AGTPBP1: variants seen among roughly 807,000 people sequenced by gnomAD.
AGTPBP1 encodes the protein ATP/GTP binding carboxypeptidase 1.
A neutral mutation model predicts 143.9 loss-of-function variants in AGTPBP1; 70 were observed. The observed-to-expected ratio is 0.49, with a 90% confidence interval of 0.40 to 0.59. AGTPBP1 has a LOEUF of 0.59. AGTPBP1 is among the 20% of genes least tolerant of loss of function. The pLI, the probability that AGTPBP1 is intolerant of heterozygous loss-of-function variation, is 0.00. For synonymous variants in AGTPBP1, 463 were observed against 500.2 expected (o/e 0.93, Z 0.99); for missense variants, 1,229 against 1,464.5 (o/e 0.84, Z 2.62).
At chr9:85,727,662 T>C (rs530226894) in intron 1 of AGTPBP1, among the ~76,000 whole-genome samples, 12 of 151,954 alleles carry the variant, frequency 7.9e-5, no homozygotes, top group Non-Finnish European at 1.6e-4. Context: ...AATGGCCCAA[T>C]CTACAAACAT....
At chr9:85,737,289 A>G (rs192213950) in intron 1 of AGTPBP1, among the ~76,000 whole-genome samples, 86 of 152,290 alleles carry the variant, frequency 5.6e-4, no homozygotes, top group Non-Finnish European at 9.9e-4. Context: ...TGCTTCTGTA[A>G]CTGAATTGAC....
At chr9:85,741,361 C>T in intron 1 of AGTPBP1, 35 of 984,368 alleles carry the variant, frequency 3.6e-5, no homozygotes, top group Non-Finnish European at 4.2e-5. Flanking sequence ...CGGGGGAGAG[C>T]GGGGCTGGGC....
chr9:85,547,542 T>TA (rs1469415729), intron 25 of AGTPBP1, among the ~76,000 whole-genome samples: 2 of 152,202 alleles, frequency 1.3e-5, no homozygotes, highest in African/African-American at 4.8e-5. Context: ...ATAGATAGCT[T>TA]AAAAAACAGT....
At chr9:85,602,757 T>C (rs1277166060) in intron 17 of AGTPBP1, among the ~76,000 whole-genome samples, 2 of 152,146 alleles carry the variant, frequency 1.3e-5, no homozygotes, top group African/African-American at 4.8e-5. Flanking sequence ...GGAAATGCAC[T>C]GAAGAGGGTA....
the AGTPBP1 span, among the ~76,000 whole-genome samples, chr9:85,795,597 G>C: frequency 1.3e-4 from 20 of 152,166 alleles, no homozygotes; most frequent in Non-Finnish European, 2.5e-4. Context: ...CTTTTAAGGG[G>C]CTCACAAAGT....
intron 11 of AGTPBP1, among the ~76,000 whole-genome samples, chr9:85,654,585 G>A (rs1457468347): frequency 6.6e-6 from 1 of 152,104 alleles, no homozygotes; most frequent in Non-Finnish European, 1.5e-5. Context: ...GCTCACACCT[G>A]TAATCCCAGC....
chr9:85,736,812 T>C (rs1342100992), intron 1 of AGTPBP1, among the ~76,000 whole-genome samples: 1 of 152,152 alleles, frequency 6.6e-6, no homozygotes, highest in Non-Finnish European at 1.5e-5. Flanking sequence ...CCACCAACAA[T>C]TATAAAACAA....
chr9:85,660,504 A>G (rs1437036100), intron 9 of AGTPBP1, among the ~76,000 whole-genome samples: 1 of 152,180 alleles, frequency 6.6e-6, no homozygotes, highest in Non-Finnish European at 1.5e-5. Flanking sequence ...AATGTTATAT[A>G]AACTTACATT....
intron 11 of AGTPBP1, among the ~76,000 whole-genome samples, chr9:85,650,338 C>T (rs1833081915): frequency 1.3e-5 from 2 of 152,144 alleles, no homozygotes; most frequent in Middle Eastern, 3.4e-3. Flanking sequence ...GATAGCAAAA[C>T]CCCTCCTGCC....
At chr9:85,753,264 G>T in the AGTPBP1 span, 6 of 1,609,828 alleles carry the variant, frequency 3.7e-6, no homozygotes, top group South Asian at 5.5e-5. Flanking sequence ...TTAATGGTCA[G>T]GTGTAAAAGC....
At chr9:85,743,916 CTTTTTCTTTCT>C (rs1824542858), upstream of AGTPBP1, among the ~76,000 whole-genome samples, 2 of 121,616 alleles carry the variant, frequency 1.6e-5, no homozygotes, top group African/African-American at 7.3e-5. Context: ...TTTTCTTTTT[CTTTTTCTTTCT>C]TTTTTTTTTT....
intron 8 of AGTPBP1, among the ~76,000 whole-genome samples, chr9:85,661,359 C>T (rs1163995912): frequency 6.6e-6 from 1 of 152,046 alleles, no homozygotes; most frequent in Non-Finnish European, 1.5e-5. Flanking sequence ...GAATTAAAAA[C>T]AAATCTTAAC....
intron 1 of AGTPBP1, among the ~76,000 whole-genome samples, chr9:85,720,372 T>C (rs1306256141): frequency 1.3e-5 from 2 of 152,334 alleles, no homozygotes; most frequent in African/African-American, 2.4e-5. Context: ...ATTCAACTTC[T>C]TCCTGGTTTA....
At chr9:85,670,576 T>C (rs780826428) in intron 7 of AGTPBP1, among the ~76,000 whole-genome samples, 7 of 152,188 alleles carry the variant, frequency 4.6e-5, no homozygotes, top group African/African-American at 2.4e-5. Flanking sequence ...ATTAAATATA[T>C]TGTAGAACCA....
At chr9:85,687,712 A>G (rs1835568533) in intron 3 of AGTPBP1, among the ~76,000 whole-genome samples, 1 of 152,204 alleles carries the variant, frequency 6.6e-6, no homozygotes, top group African/African-American at 2.4e-5. Context: ...ATGTAGCTAA[A>G]GCAGTGTTTA....
Position 85,709,690 on chromosome 9 carries a change from T to C in AGTPBP1, c.32+2812A>G, listed in dbSNP as rs78565987. ...AGAGCTCTGGGTGAGGTAGAACTCTTAGAGAACAGATATTTGAGCAAGTGA... is the reference window on the plus strand; with the variant it reads ...AGAGCTCTGGGTGAGGTAGAACTCTCAGAGAACAGATATTTGAGCAAGTGA... On this transcript the variant is annotated intron_variant, in intron 2 of 25. Transcript: ENST00000357081. Among the ~76,000 whole-genome samples, 547 of 152,238 alleles carry C rather than the reference T, an allele frequency of 3.6e-3. 9 individuals are homozygous for C. The East Asian group carries it at 0.049, about 14-fold the overall frequency.
chr9:85,571,434 A>C (rs965632460), intron 25 of AGTPBP1, among the ~76,000 whole-genome samples: 2 of 152,248 alleles, frequency 1.3e-5, no homozygotes, highest in African/African-American at 4.8e-5. Context: ...CATCAAAATA[A>C]ACAATGGCAG....
intron 24 of AGTPBP1, among the ~76,000 whole-genome samples, chr9:85,575,726 A>T (rs1827855330): frequency 6.6e-6 from 1 of 152,192 alleles, no homozygotes. Context: ...AACTATTTTC[A>T]CCATCACACT....
chr9:85,675,896 A>G (rs1834800143), intron 6 of AGTPBP1, among the ~76,000 whole-genome samples: 1 of 152,090 alleles, frequency 6.6e-6, no homozygotes, highest in Admixed American at 6.6e-5. Context: ...ATGGTGGCAC[A>G]TGCCTGTAGT....
Sources: gnomAD v4.1 joint callset for allele counts (sites outside exome capture counted in the v4.1 genomes callset) on GRCh38, gnomAD v4.1.1 for gene constraint, MANE v1.5 for transcripts, NCBI Gene and HGNC (gene_info 2026-07-23, HGNC 2026-07-21) for gene names.